Variants in PRLR observed in about 807,000 individuals in gnomAD.
PRLR encodes prolactin receptor.
PRLR carries 13 observed loss-of-function variants against 40.2 expected under a neutral mutation model. That is an observed-to-expected ratio of 0.32 (90% CI 0.21 to 0.51). The LOEUF is 0.51. Ranked by LOEUF, PRLR falls within the 20% of genes least tolerant of loss-of-function variation. The pLI is 0.97. For synonymous variants in PRLR, 269 were observed against 278.7 expected (o/e 0.97, Z 0.35); for missense variants, 656 against 747.3 (o/e 0.88, Z 1.42).
chr5:35,180,549 C>T (rs1561351319), intron 1 of PRLR, among the ~76,000 whole-genome samples: 1 of 152,124 alleles, frequency 6.6e-6, no homozygotes, highest in African/African-American at 2.4e-5. Context: ...GCCTGCAGAA[C>T]CGTGAGCCAA....
At chr5:35,097,754 C>G (rs909305322) in intron 2 of PRLR, among the ~76,000 whole-genome samples, 1 of 152,098 alleles carries the variant, frequency 6.6e-6, no homozygotes, top group Non-Finnish European at 1.5e-5. Flanking sequence ...TCTTCAATAG[C>G]AGTAGGTATT....
chr5:35,126,130 G>A (rs1028911301), intron 1 of PRLR, among the ~76,000 whole-genome samples: 20 of 152,188 alleles, frequency 1.3e-4, no homozygotes, highest in African/African-American at 4.3e-4. Context: ...AAAGTGCTGT[G>A]GGTAGGTAAG....
At chr5:35,210,003 G>A (rs1776129371) in intron 1 of PRLR, among the ~76,000 whole-genome samples, 2 of 152,048 alleles carry the variant, frequency 1.3e-5, no homozygotes, top group South Asian at 4.1e-4. Context: ...GAGAGCTTGG[G>A]GACTGGTCTC....
chr5:35,121,916 A>G (rs1773305804), intron 1 of PRLR, among the ~76,000 whole-genome samples: 2 of 152,202 alleles, frequency 1.3e-5, no homozygotes, highest in South Asian at 2.1e-4. Context: ...CTATTTGCCA[A>G]ATAGTATTTT....
chr5:35,109,352 C>A (rs146530479), intron 2 of PRLR, among the ~76,000 whole-genome samples: 8,322 of 152,138 alleles, frequency 0.055, 539 homozygotes, highest in East Asian at 0.18. Context: ...GCAACAAAAG[C>A]CAAAATTGAC....
intron 5 of PRLR, among the ~76,000 whole-genome samples, chr5:35,077,740 A>T (rs890217901): frequency 6.6e-6 from 1 of 152,204 alleles, no homozygotes; most frequent in Non-Finnish European, 1.5e-5. Context: ...CCCTAAATCA[A>T]CAGAATATAC....
At chr5:35,159,357 A>C (rs909715830) in intron 1 of PRLR, among the ~76,000 whole-genome samples, 39 of 152,198 alleles carry the variant, frequency 2.6e-4, no homozygotes, top group Admixed American at 2.2e-3. Context: ...CACGAAAAAG[A>C]AAAAAGCATT....
intron 2 of PRLR, among the ~76,000 whole-genome samples, chr5:35,102,683 C>T (rs905183766): frequency 1.3e-5 from 2 of 152,052 alleles, no homozygotes; most frequent in African/African-American, 2.4e-5. Flanking sequence ...GCTGGGACTA[C>T]AGGCACACAC....
intron 1 of PRLR, among the ~76,000 whole-genome samples, chr5:35,205,485 G>A (rs925346625): frequency 1.3e-5 from 2 of 149,526 alleles, no homozygotes; most frequent in Admixed American, 6.7e-5. Context: ...AAACTGTTCG[G>A]CTATCCTCTG....
At chr5:35,085,251 G>A (rs952816476) in intron 4 of PRLR, among the ~76,000 whole-genome samples, 5 of 152,128 alleles carry the variant, frequency 3.3e-5, no homozygotes, top group Admixed American at 6.5e-5. Flanking sequence ...CTGCACAGGG[G>A]TGGAGGCTTG....
chr5:35,078,268 G>A (rs116313208), intron 5 of PRLR, among the ~76,000 whole-genome samples: 14,595 of 151,846 alleles, frequency 0.096, 1,093 homozygotes, highest in African/African-American at 0.2. Context: ...ATCCAGGAGC[G>A]GTTTTTTGAA....
At chr5:35,228,777 G>A (rs1776617050) in intron 1 of PRLR, among the ~76,000 whole-genome samples, 1 of 152,156 alleles carries the variant, frequency 6.6e-6, no homozygotes, top group South Asian at 2.1e-4. Context: ...CAGCAGCGTG[G>A]CTGACTCCAG....
chr5:35,225,249 G>T (rs1241983409), intron 1 of PRLR, among the ~76,000 whole-genome samples: 1 of 152,268 alleles, frequency 6.6e-6, no homozygotes, highest in East Asian at 1.9e-4. Context: ...ATTGGTCTTG[G>T]TGATGAATAT....
At chr5:35,128,967 C>T (rs560330261) in intron 1 of PRLR, among the ~76,000 whole-genome samples, 1 of 152,206 alleles carries the variant, frequency 6.6e-6, no homozygotes, top group Non-Finnish European at 1.5e-5. Context: ...ACCCTTACTG[C>T]TGAGCACCCA....
Position 35,062,664 on chromosome 5 carries a change from C to T in PRLR, c.*2425G>A, listed in dbSNP as rs1409947444. ...TATAAGAGTGACTGATACATATCTT[C>T]TCTATTCTTAGAGAATAGACTATGT... On this transcript the variant is annotated 3_prime_UTR_variant, in exon 10 of 10. Coordinates refer to ENST00000618457, the MANE Select transcript of PRLR (RefSeq NM_000949.7). 6.6e-6 allele frequency: 1 copy of T among 152,150 alleles called. No homozygotes were observed. The highest frequency in any genetic ancestry group is 1.5e-5 in the Non-Finnish European group (1 of 68,024). The allele number at this position is 152,150 out of a possible 1,614,324, so 9.4% of individuals were successfully genotyped here.
At chr5:35,206,887 T>A (rs986296271) in intron 1 of PRLR, among the ~76,000 whole-genome samples, 1 of 152,146 alleles carries the variant, frequency 6.6e-6, no homozygotes, top group African/African-American at 2.4e-5. Context: ...ATAACTGATG[T>A]AAAATTCTAA....
rs748098944 is a variant in PRLR, at chr5:35,049,358, T to G, written c.1060A>C (p.Arg354=). Residue 354 remains arginine, a synonymous_variant, in exon 9 of 9, where the codon AGA becomes CGA. Coordinates refer to the PRLR transcript ENST00000231423. ...CCTTGACTTGAGATTTTTCTTGGTC[T>G]GTAAGATTTGAGATTTTTGTAATGA... is the stretch of plus-strand genomic sequence containing the variant. 7 of 702,980 alleles carry G rather than the reference T, an allele frequency of 1.0e-5. No homozygotes were observed. In the South Asian group the frequency reaches 1.0e-4, roughly 10 times the overall value. The allele number at this position is 702,980 out of a possible 1,614,324, so 43.5% of individuals were successfully genotyped here.
intron 2 of PRLR, among the ~76,000 whole-genome samples, chr5:35,103,818 G>A (rs997648194): frequency 5.9e-5 from 9 of 152,216 alleles, no homozygotes; most frequent in African/African-American, 1.7e-4. Flanking sequence ...GCAATTGCCA[G>A]TTTATTTGCA....
intron 5 of PRLR, among the ~76,000 whole-genome samples, chr5:35,074,444 A>G (rs1318522533): frequency 6.6e-6 from 1 of 151,070 alleles, no homozygotes; most frequent in Non-Finnish European, 1.5e-5. Context: ...CCTGGGTGAC[A>G]AGAGCGAAAC....
Sources: allele counts gnomAD v4.1 joint callset (sites outside exome capture counted in the v4.1 genomes callset), GRCh38; gene constraint gnomAD v4.1.1; transcripts MANE v1.5; gene names NCBI Gene and HGNC (gene_info 2026-07-23, HGNC 2026-07-21).